Variants in KCNIP1 observed in about 807,000 individuals in gnomAD.
The protein encoded by KCNIP1 is A-type potassium channel modulatory protein KCNIP1.
A neutral mutation model predicts 33.0 loss-of-function variants in KCNIP1; 18 were observed. That is an observed-to-expected ratio of 0.55 (90% CI 0.38 to 0.81). The LOEUF (loss-of-function observed/expected upper bound fraction) is 0.81, where lower values mean the gene tolerates loss of function less well. KCNIP1 is among the 30% of genes least tolerant of loss of function. The pLI is 0.00. For missense variants in KCNIP1, 238 were observed against 271.6 expected (o/e 0.88, Z 0.87); for synonymous variants, 93 against 98.3 (o/e 0.95, Z 0.32).
chr5:170,532,499 A>G (rs1321845761), intron 1 of KCNIP1, among the ~76,000 whole-genome samples: 1 of 151,908 alleles, frequency 6.6e-6, no homozygotes, highest in East Asian at 1.9e-4. Context: ...GAACCTCAAC[A>G]CTTTTTGAGA....
chr5:170,654,363 A>C (rs1761176990), intron 1 of KCNIP1, among the ~76,000 whole-genome samples: 1 of 152,192 alleles, frequency 6.6e-6, no homozygotes, highest in African/African-American at 2.4e-5. Context: ...GAAGGAGCTC[A>C]CATTCTAGTC....
intron 1 of KCNIP1, among the ~76,000 whole-genome samples, chr5:170,356,518 A>T (rs1002292857): frequency 6.6e-6 from 1 of 152,172 alleles, no homozygotes; most frequent in African/African-American, 2.4e-5. Context: ...ATCAGCGCTT[A>T]TTGCAGAGAT....
intron 1 of KCNIP1, among the ~76,000 whole-genome samples, chr5:170,717,170 C>A (rs1763669347): frequency 6.6e-6 from 1 of 152,158 alleles, no homozygotes; most frequent in African/African-American, 2.4e-5. Flanking sequence ...ATTAATTTCT[C>A]TGTTAAAATG....
intron 1 of KCNIP1, among the ~76,000 whole-genome samples, chr5:170,475,638 C>T (rs545759851): frequency 6.6e-6 from 1 of 152,324 alleles, no homozygotes; most frequent in Non-Finnish European, 1.5e-5. Context: ...TCTTTCTGTT[C>T]TGGATGCTGC....
chr5:170,657,077 C>T (rs1361087439), intron 1 of KCNIP1, among the ~76,000 whole-genome samples: 1 of 145,656 alleles, frequency 6.9e-6, no homozygotes, highest in Non-Finnish European at 1.5e-5. Context: ...CTCACTGCAA[C>T]CTCCACCTCC....
At chr5:170,552,017 G>C (rs1756664869) in intron 1 of KCNIP1, among the ~76,000 whole-genome samples, 1 of 144,006 alleles carries the variant, frequency 6.9e-6, no homozygotes, top group Non-Finnish European at 1.5e-5. Flanking sequence ...GTGAGTGTGA[G>C]AGAGAATGTG....
At chr5:170,645,897 T>TA (rs146693752) in intron 1 of KCNIP1, among the ~76,000 whole-genome samples, 17,385 of 150,806 alleles carry the variant, frequency 0.12, 1,119 homozygotes, top group African/African-American at 0.17. Flanking sequence ...CTTGAGAAAT[T>TA]AAAAAAAAAT....
At chr5:170,725,244 G>C (rs1266488557) in intron 5 of KCNIP1, among the ~76,000 whole-genome samples, 1 of 152,172 alleles carries the variant, frequency 6.6e-6, no homozygotes, top group African/African-American at 2.4e-5. Context: ...TTGCAGATCT[G>C]TTCATAATAG....
At chr5:170,469,822 T>C (rs975835825) in intron 1 of KCNIP1, among the ~76,000 whole-genome samples, 1 of 152,212 alleles carries the variant, frequency 6.6e-6, no homozygotes, top group Non-Finnish European at 1.5e-5. Context: ...TGGGTGCAAG[T>C]TTTCTGATGA....
chr5:170,565,033 T>C (rs1364806609), intron 1 of KCNIP1, among the ~76,000 whole-genome samples: 1 of 152,182 alleles, frequency 6.6e-6, no homozygotes, highest in Non-Finnish European at 1.5e-5. Flanking sequence ...TTTAATGAAA[T>C]GGCTGCGAGA....
chr5:170,732,881 C>A lies in KCNIP1; in HGVS notation c.517C>A (p.Gln173Lys), dbSNP rs1442822659. 6.2e-7 allele frequency: 1 copy of A among 1,612,552 alleles called. No homozygotes were observed. Among genetic ancestry groups the A allele is most frequent in the South Asian group, 1.1e-5 (1 of 91,018 alleles). The change falls in exon 6 of 8, where the codon CAG becomes AAG. Residue 173 changes from glutamine (Q) to lysine (K), a missense_variant. Transcript: ENST00000328939. ...TGTGCTCAAAGAGGACACTCCAAGG[C>A]AGCATGTGGACGTCTTCTTCCAGGT... is the stretch of plus-strand genomic sequence containing the variant. The part of the protein sequence containing the change: ...YPVLKEDTPR[Q>K]HVDVFFQKMD...
At chr5:170,497,294 C>T (rs1056839718) in intron 1 of KCNIP1, among the ~76,000 whole-genome samples, 2 of 152,224 alleles carry the variant, frequency 1.3e-5, no homozygotes, top group African/African-American at 4.8e-5. Flanking sequence ...TGCTTCCACT[C>T]ATTTAATCCT....
rs528062965 is a variant in KCNIP1 at position 170,607,421 on chromosome 5, G to A, written c.61+102788G>A. On this transcript the variant is annotated intron_variant, in intron 1 of 7. Transcript: ENST00000328939. ...AATCATTTACAGAGTGATGACCACC[G>A]TATGCTCCAAACCCAGGGCTGGGGG... 1.4e-4 allele frequency among the ~76,000 whole-genome samples: 22 copies of A among 152,266 alleles called. 1 individual carries two copies. The highest frequency in any genetic ancestry group is 2.2e-4 in the African/African-American group (9 of 41,540).
chr5:170,681,598 T>C (rs185080083), intron 1 of KCNIP1, among the ~76,000 whole-genome samples: 158 of 152,354 alleles, frequency 1.0e-3, no homozygotes, highest in African/African-American at 3.7e-3. Flanking sequence ...GGAGATTATA[T>C]GGAGGTAAAA....
intron 1 of KCNIP1, among the ~76,000 whole-genome samples, chr5:170,683,492 T>G (rs1762430258): frequency 6.6e-6 from 1 of 152,170 alleles, no homozygotes; most frequent in Non-Finnish European, 1.5e-5. Context: ...TTACCACACA[T>G]AGGCTCTTAT....
intron 1 of KCNIP1, among the ~76,000 whole-genome samples, chr5:170,380,659 G>A (rs1016578523): frequency 2.0e-5 from 3 of 152,240 alleles, no homozygotes; most frequent in African/African-American, 7.2e-5. Flanking sequence ...GGCATTCAGA[G>A]CTGTTGGACA....
chr5:170,561,034 C>T (rs373906055), intron 1 of KCNIP1: 377 of 449,654 alleles, frequency 8.4e-4, no homozygotes, highest in Admixed American at 1.4e-3. Flanking sequence ...TGCCATCCAA[C>T]GGGCAGGAGC....
At chr5:170,415,464 C>T (rs548431167) in intron 1 of KCNIP1, among the ~76,000 whole-genome samples, 6 of 152,142 alleles carry the variant, frequency 3.9e-5, no homozygotes, top group South Asian at 2.1e-4. Context: ...CACCCCCAGC[C>T]GTGACAACTA....
At chr5:170,364,658 C>T (rs1296624017) in intron 1 of KCNIP1, among the ~76,000 whole-genome samples, 17 of 152,160 alleles carry the variant, frequency 1.1e-4, no homozygotes, top group Admixed American at 9.8e-4. Flanking sequence ...CTGCGGTTGC[C>T]GTCCCTCCTC....
Sources: gnomAD v4.1 joint callset for allele counts (sites outside exome capture counted in the v4.1 genomes callset) on GRCh38, gnomAD v4.1.1 for gene constraint, MANE v1.5 for transcripts, NCBI Gene and HGNC (gene_info 2026-07-23, HGNC 2026-07-21) for gene names.